WWP2: variants seen among roughly 807,000 people sequenced by gnomAD.
WWP2 encodes the protein WW domain containing E3 ubiquitin protein ligase 2.
A neutral mutation model predicts 121.0 loss-of-function variants in WWP2; 57 were observed. That is an observed-to-expected ratio of 0.47 (90% CI 0.38 to 0.59). The LOEUF is 0.59. WWP2 is among the 20% of genes least tolerant of loss of function. WWP2 has a pLI of 0.00. For missense variants in WWP2, 962 were observed against 1,158.9 expected (o/e 0.83, Z 2.47); for synonymous variants, 449 against 441.3 (o/e 1.02, Z -0.22).
At chr16:69,828,528 C>T (rs370944124) in intron 4 of WWP2, among the ~76,000 whole-genome samples, 1 of 151,980 alleles carries the variant, frequency 6.6e-6, no homozygotes, top group South Asian at 2.1e-4. Flanking sequence ...CACCACACCC[C>T]GCTAATTTTG....
intron 1 of WWP2, among the ~76,000 whole-genome samples, chr16:69,785,243 A>G (rs1474632607): frequency 2.0e-5 from 3 of 151,874 alleles, no homozygotes; most frequent in African/African-American, 7.3e-5. Context: ...AAAAAAAAAA[A>G]GACAAAAGAC....
chr16:69,813,136 TG>T (rs1318842638), intron 4 of WWP2, among the ~76,000 whole-genome samples: 4 of 152,078 alleles, frequency 2.6e-5, no homozygotes, highest in Admixed American at 2.6e-4. Flanking sequence ...TTTTATTCCA[TG>T]GGTTATAACT....
chr16:69,918,623 T>C (rs1272948722), intron 10 of WWP2, among the ~76,000 whole-genome samples: 1 of 152,210 alleles, frequency 6.6e-6, no homozygotes, highest in Non-Finnish European at 1.5e-5. Flanking sequence ...TGAGCCTCCT[T>C]CTTTCTGATG....
intron 4 of WWP2, among the ~76,000 whole-genome samples, chr16:69,837,901 C>T (rs769384307): frequency 1.3e-5 from 2 of 151,972 alleles, no homozygotes; most frequent in Non-Finnish European, 2.9e-5. Context: ...TCAGAAGGAT[C>T]AGAAGGATCA....
chr16:69,809,146 G>T (rs2151828254), intron 4 of WWP2, among the ~76,000 whole-genome samples: 1 of 152,344 alleles, frequency 6.6e-6, no homozygotes, highest in East Asian at 1.9e-4. Context: ...CATGTGGCTG[G>T]GTTGGGTAGC....
At chr16:69,877,593 C>T (rs2057756039) in intron 7 of WWP2, among the ~76,000 whole-genome samples, 1 of 152,084 alleles carries the variant, frequency 6.6e-6, no homozygotes, top group Admixed American at 6.6e-5. Flanking sequence ...TCACAAGAGT[C>T]CCAGCTTTGG....
chr16:69,862,539 C>T (rs2057441445), intron 6 of WWP2, among the ~76,000 whole-genome samples: 1 of 152,046 alleles, frequency 6.6e-6, no homozygotes. Flanking sequence ...GCATGAGCCA[C>T]CATGCCTGGC....
At chr16:69,861,694 G>T (rs895985744) in intron 6 of WWP2, among the ~76,000 whole-genome samples, 2 of 148,462 alleles carry the variant, frequency 1.3e-5, no homozygotes, top group Non-Finnish European at 1.5e-5. Flanking sequence ...GAAGAATTGA[G>T]GGGGGTGCAG....
chr16:69,828,592 T>C (rs1438587494), intron 4 of WWP2, among the ~76,000 whole-genome samples: 1 of 152,148 alleles, frequency 6.6e-6, no homozygotes, highest in East Asian at 1.9e-4. Flanking sequence ...CTTGAACTCC[T>C]GACCTCAGGT....
At chr16:69,779,041 C>G (rs1010575919) in intron 1 of WWP2, among the ~76,000 whole-genome samples, 5 of 151,810 alleles carry the variant, frequency 3.3e-5, no homozygotes, top group African/African-American at 4.8e-5. Context: ...CCTCCACCTC[C>G]TAGGTTCAAG....
At chr16:69,931,442 A>G (rs2058710551) in intron 14 of WWP2, 67 bp from the exon 15 acceptor site, 2 of 1,590,536 alleles carry the variant, frequency 1.3e-6, no homozygotes, top group South Asian at 1.1e-5. Flanking sequence ...ATGCCTGTTC[A>G]TACAGACAGG....
intron 8 of WWP2, among the ~76,000 whole-genome samples, chr16:69,890,044 TC>T (rs970642160): frequency 6.6e-6 from 1 of 152,104 alleles, no homozygotes; most frequent in African/African-American, 2.4e-5. Flanking sequence ...AGCCTTGACT[TC>T]CTGGGCTCAA....
At chr16:69,883,252 A>C (rs1330536927) in intron 7 of WWP2, among the ~76,000 whole-genome samples, 1 of 152,106 alleles carries the variant, frequency 6.6e-6, no homozygotes, top group East Asian at 1.9e-4. Context: ...GCCTCATTAG[A>C]CTTGAGTATG....
intron 5 of WWP2, among the ~76,000 whole-genome samples, chr16:69,840,477 T>C (rs2056957705): frequency 6.6e-6 from 1 of 152,228 alleles, no homozygotes; most frequent in African/African-American, 2.4e-5. Flanking sequence ...TTTGTAAATA[T>C]GTAATTGTTT....
chr16:69,912,955 A>AATATATATATAT (rs1567427338), intron 9 of WWP2, among the ~76,000 whole-genome samples: 5 of 8,328 alleles, frequency 6.0e-4, no homozygotes, highest in African/African-American at 8.6e-4. Context: ...AAAAAAAAAA[A>AATATATATATAT]ATATATATAT....
intron 2 of WWP2, among the ~76,000 whole-genome samples, chr16:69,797,531 T>G (rs954145612): frequency 4.6e-5 from 7 of 152,172 alleles, no homozygotes; most frequent in Admixed American, 4.6e-4. Context: ...TGTATGCACA[T>G]GGCAGAGGGT....
intron 8 of WWP2, among the ~76,000 whole-genome samples, chr16:69,905,264 C>G (rs1423574149): frequency 1.3e-5 from 2 of 152,230 alleles, no homozygotes; most frequent in East Asian, 3.9e-4. Context: ...CAGTAGCACT[C>G]TGGTCCTCAA....
intron 8 of WWP2, among the ~76,000 whole-genome samples, chr16:69,889,552 T>G (rs1046097762): frequency 6.6e-6 from 1 of 152,202 alleles, no homozygotes; most frequent in African/African-American, 2.4e-5. Context: ...CCCAGGAAGT[T>G]AAGGGACTCA....
At chr16:69,891,196 G>A (rs996664744) in intron 8 of WWP2, among the ~76,000 whole-genome samples, 1 of 152,136 alleles carries the variant, frequency 6.6e-6, no homozygotes, top group African/African-American at 2.4e-5. Context: ...TTCTGCCAGC[G>A]ATCCTTCCAG....
Sources: allele counts gnomAD v4.1 joint callset (sites outside exome capture counted in the v4.1 genomes callset), GRCh38; gene constraint gnomAD v4.1.1; transcripts MANE v1.5; gene names NCBI Gene and HGNC (gene_info 2026-07-23, HGNC 2026-07-21).